Variants in KCNMA1 observed in about 807,000 individuals in gnomAD.
KCNMA1 encodes potassium calcium-activated channel subfamily M alpha 1, also known as Calcium-activated potassium channel subunit alpha-1.
KCNMA1 carries 29 observed loss-of-function variants against 140.0 expected under a neutral mutation model. The observed-to-expected ratio is 0.21, with a 90% CI of 0.15 to 0.28. KCNMA1 has a LOEUF of 0.28. KCNMA1 is among the 10% of genes least tolerant of loss of function. The probability of loss-of-function intolerance (pLI) is 1.00; values close to 1 mark genes in which losing one functional copy is unlikely to be tolerated. For missense variants in KCNMA1, 880 were observed against 1,602.2 expected, an observed-to-expected ratio of 0.55 and a Z score of 7.70; for synonymous variants, 612 against 611.9, an observed-to-expected ratio of 1.00 and a Z score of 0.00.
At chr10:76,969,491 A>G (rs1390650762) in intron 20 of KCNMA1, among the ~76,000 whole-genome samples, 1 of 152,236 alleles carries the variant, frequency 6.6e-6, no homozygotes, top group Non-Finnish European at 1.5e-5. Flanking sequence ...TTTGATTTCA[A>G]TCGACAGGAT....
chr10:76,872,040 G>A (rs1316643814), exon 28 of KCNMA1: 1 of 152,104 alleles, frequency 6.6e-6, no homozygotes, highest in Non-Finnish European at 1.5e-5. Context: ...TTTCATAAGG[G>A]GAATTCCTAT....
At chr10:77,350,640 A>C (rs1367950369) in intron 2 of KCNMA1, 1 of 152,244 alleles carries the variant, frequency 6.6e-6, no homozygotes, top group African/African-American at 2.4e-5. Flanking sequence ...TAGAAAAGAC[A>C]CTGCCAAAAT....
At chr10:77,062,554 G>A (rs1322025062) in intron 14 of KCNMA1, among the ~76,000 whole-genome samples, 2 of 152,040 alleles carry the variant, frequency 1.3e-5, no homozygotes, top group Non-Finnish European at 2.9e-5. Context: ...TCTCCCTTCT[G>A]TACTCAGTTG....
At chr10:77,151,969 TG>T (rs2098423049) in intron 5 of KCNMA1, among the ~76,000 whole-genome samples, 1 of 152,114 alleles carries the variant, frequency 6.6e-6, no homozygotes, top group Non-Finnish European at 1.5e-5. Context: ...TTCATAAGGG[TG>T]GTATGGAAAT....
downstream of KCNMA1, among the ~76,000 whole-genome samples, chr10:76,879,891 A>G (rs2033906910): frequency 6.6e-6 from 1 of 152,208 alleles, no homozygotes; most frequent in Non-Finnish European, 1.5e-5. Flanking sequence ...CCGCTGAAAC[A>G]ATTTCACACT....
intron 12 of KCNMA1, among the ~76,000 whole-genome samples, chr10:77,083,754 G>C (rs1023570508): frequency 2.0e-5 from 3 of 151,608 alleles, no homozygotes; most frequent in African/African-American, 7.3e-5. Flanking sequence ...AGGATCGTTT[G>C]GGCTCAGGAG....
chr10:77,319,458 A>G (rs563716811), intron 2 of KCNMA1, among the ~76,000 whole-genome samples: 2 of 152,284 alleles, frequency 1.3e-5, no homozygotes, highest in East Asian at 3.9e-4. Flanking sequence ...ACCTTTTCCC[A>G]CAGAGTTCCT....
intron 1 of KCNMA1, among the ~76,000 whole-genome samples, chr10:77,548,005 TAAA>T (rs61319330): frequency 9.4e-5 from 14 of 148,794 alleles, no homozygotes; most frequent in African/African-American, 3.0e-4. Flanking sequence ...TTTTACAAAT[TAAA>T]AAAAAAAAAT....
intron 1 of KCNMA1, among the ~76,000 whole-genome samples, chr10:77,411,822 T>C (rs2096626005): frequency 6.6e-6 from 1 of 152,150 alleles, no homozygotes; most frequent in Non-Finnish European, 1.5e-5. Context: ...AAATTCACCC[T>C]TCGTGGAGCA....
chr10:76,984,011 T>C (rs1282520539), intron 19 of KCNMA1, among the ~76,000 whole-genome samples: 1 of 152,206 alleles, frequency 6.6e-6, no homozygotes, highest in Non-Finnish European at 1.5e-5. Flanking sequence ...TTGATTTCTC[T>C]CTTCATTTAT....
chr10:77,505,894 G>A (rs2045625741), intron 1 of KCNMA1, among the ~76,000 whole-genome samples: 1 of 152,214 alleles, frequency 6.6e-6, no homozygotes, highest in East Asian at 1.9e-4. Flanking sequence ...CCAGCTGGAA[G>A]AGTACTGCAA....
chr10:77,413,344 G>A (rs550253928), intron 1 of KCNMA1, among the ~76,000 whole-genome samples: 1 of 152,116 alleles, frequency 6.6e-6, no homozygotes, highest in East Asian at 1.9e-4. Flanking sequence ...CCGAATGCTG[G>A]GGCTGGGTCT....
chr10:77,056,671 T>C (rs1319623904), intron 14 of KCNMA1, among the ~76,000 whole-genome samples: 1 of 152,038 alleles, frequency 6.6e-6, no homozygotes, highest in Non-Finnish European at 1.5e-5. Flanking sequence ...TCCCGATAAC[T>C]AAGAAAGAAC....
At chr10:76,968,060 T>C (rs1349793027) in intron 20 of KCNMA1, among the ~76,000 whole-genome samples, 3 of 152,052 alleles carry the variant, frequency 2.0e-5, no homozygotes, top group Non-Finnish European at 2.9e-5. Flanking sequence ...CGATATACAC[T>C]AGCTTTTTCT....
chr10:77,589,504 C>A (rs189367692), intron 1 of KCNMA1, among the ~76,000 whole-genome samples: 78 of 152,106 alleles, frequency 5.1e-4, no homozygotes, highest in Admixed American at 1.2e-3. Context: ...ATAAAAATTC[C>A]TAAATGATCC....
intron 2 of KCNMA1, among the ~76,000 whole-genome samples, chr10:77,272,559 G>A (rs1460220126): frequency 6.6e-6 from 1 of 152,016 alleles, no homozygotes; most frequent in Admixed American, 6.5e-5. Context: ...GAAGAATAAA[G>A]CACAAATCTT....
chr10:77,574,465 T>C (rs2073253911), intron 1 of KCNMA1, among the ~76,000 whole-genome samples: 2 of 152,180 alleles, frequency 1.3e-5, no homozygotes, highest in South Asian at 4.1e-4. Context: ...GTGGATTGTT[T>C]TTTCTGGTGT....
chr10:76,975,115 C>T (rs1025972853), intron 19 of KCNMA1, among the ~76,000 whole-genome samples: 8 of 152,010 alleles, frequency 5.3e-5, no homozygotes, highest in Admixed American at 2.6e-4. Flanking sequence ...CGGCCGTCAG[C>T]GACACCAGTG....
chr10:76,877,448 A>G (rs2032597742), downstream of KCNMA1: 1 of 166,082 alleles, frequency 6.0e-6, no homozygotes, highest in African/African-American at 2.4e-5. Context: ...ATATTTGACA[A>G]TGAAAAGAAA....
Sources: allele counts gnomAD v4.1 joint callset (sites outside exome capture counted in the v4.1 genomes callset), GRCh38; gene constraint gnomAD v4.1.1; transcripts MANE v1.5; gene names NCBI Gene and HGNC (gene_info 2026-07-23, HGNC 2026-07-21).